DCDC2: variants seen among roughly 807,000 people sequenced by gnomAD.
DCDC2 encodes doublecortin domain containing 2, also known as doublecortin domain-containing protein 2.
A neutral mutation model predicts 50.2 loss-of-function variants in DCDC2; 40 were observed. The ratio of observed to expected loss-of-function variants is 0.80; its 90% CI spans 0.62 to 1.04. The LOEUF is 1.04. DCDC2 is among the 50% of genes least tolerant of loss of function. The pLI is 0.00. For missense variants in DCDC2, 570 were observed against 581.9 expected (o/e 0.98, Z 0.21); for synonymous variants, 234 against 210.6 (o/e 1.11, Z -0.96).
At chr6:24,269,147 G>T (rs1018694985) in intron 7 of DCDC2, among the ~76,000 whole-genome samples, 3 of 152,116 alleles carry the variant, frequency 2.0e-5, no homozygotes, top group African/African-American at 7.2e-5. Context: ...GACTACAAAG[G>T]AGTCCCAGGG....
intron 7 of DCDC2, among the ~76,000 whole-genome samples, chr6:24,212,515 G>A (rs1245700471): frequency 6.6e-6 from 1 of 152,112 alleles, no homozygotes; most frequent in East Asian, 1.9e-4. Context: ...ACATCTTCCA[G>A]AGGAAAGTGA....
At chr6:24,240,321 T>C (rs911899139) in intron 7 of DCDC2, among the ~76,000 whole-genome samples, 3 of 152,110 alleles carry the variant, frequency 2.0e-5, no homozygotes, top group Admixed American at 6.6e-5. Context: ...GAGGCTGGAG[T>C]ATTAATTGAA....
chr6:24,284,734 G>A (rs905859283), intron 6 of DCDC2, among the ~76,000 whole-genome samples: 4 of 151,696 alleles, frequency 2.6e-5, no homozygotes, highest in Non-Finnish European at 4.4e-5. Context: ...ATTGAGCCCT[G>A]CCTGCCTCTC....
rs59837095 is a variant in DCDC2 at position 24,173,021 on chromosome 6, A to ATAATAATAATAATAC, written c.*1708_*1709insGTATTATTATTATTA. ...AATAATAATAATAATAATAATAATA[A>ATAATAATAATAATAC]AGATCAATTGGTCTATTTGCCTACC... On this transcript the variant is annotated 3_prime_UTR_variant, in exon 10 of 10. Transcript: ENST00000378454. 10 of 150,556 alleles carry ATAATAATAATAATAC rather than the reference A, an allele frequency of 6.6e-5. No individual in the cohort carries two copies. The highest frequency in any genetic ancestry group is 1.3e-4 in the Non-Finnish European group (9 of 67,678). The allele number at this position is 150,556 out of a possible 1,614,324, so 9.3% of individuals were successfully genotyped here.
chr6:24,362,623 C>G (rs545054885), upstream of DCDC2, among the ~76,000 whole-genome samples: 5 of 152,074 alleles, frequency 3.3e-5, no homozygotes, highest in African/African-American at 1.2e-4. Context: ...AGTTGCCTCA[C>G]ACGCCAGAAC....
chr6:24,359,092 T>A (rs1384799737), upstream of DCDC2, among the ~76,000 whole-genome samples: 3 of 66,084 alleles, frequency 4.5e-5, no homozygotes, highest in Non-Finnish European at 7.4e-5. Context: ...TTTTTATATA[T>A]TATATATTTT....
At chr6:24,250,881 G>C (rs2113798721) in intron 7 of DCDC2, among the ~76,000 whole-genome samples, 1 of 152,252 alleles carries the variant, frequency 6.6e-6, no homozygotes. Flanking sequence ...GATGAAAAAT[G>C]TAATTTATTT....
chr6:24,193,652 A>G (rs1301454568), intron 8 of DCDC2, among the ~76,000 whole-genome samples: 1 of 152,204 alleles, frequency 6.6e-6, no homozygotes, highest in Non-Finnish European at 1.5e-5. Context: ...TTCAACTAAG[A>G]ATAACATTTA....
chr6:24,352,843 T>G (rs951883818), intron 2 of DCDC2, among the ~76,000 whole-genome samples: 1 of 152,208 alleles, frequency 6.6e-6, no homozygotes, highest in Non-Finnish European at 1.5e-5. Flanking sequence ...AGTGGCTGTC[T>G]GGGCTGGTGA....
rs539911971 is a variant in DCDC2, at chr6:24,275,795, C to T, written c.922+2254G>A. Among the ~76,000 whole-genome samples, 5 of 151,888 alleles carry T rather than the reference C, an allele frequency of 3.3e-5. No homozygotes were observed. The East Asian group carries it at 9.6e-4, about 29-fold the overall frequency. ...AATAATAAACACTTTTTTTTATCTT[C>T]ATGCCCACCAACACAAATGTTGTTA... On this transcript the variant is annotated intron_variant, in intron 7 of 9. Coordinates refer to ENST00000378454, the MANE Select transcript of DCDC2 (RefSeq NM_016356.5).
At chr6:24,319,952 A>G (rs968974999) in intron 2 of DCDC2, among the ~76,000 whole-genome samples, 4 of 150,438 alleles carry the variant, frequency 2.7e-5, no homozygotes, top group African/African-American at 9.7e-5. Flanking sequence ...AGAAAGATAC[A>G]GTAACAAATG....
At chr6:24,287,031 T>C (rs1004068117) in intron 6 of DCDC2, among the ~76,000 whole-genome samples, 1 of 152,194 alleles carries the variant, frequency 6.6e-6, no homozygotes, top group Non-Finnish European at 1.5e-5. Flanking sequence ...TTCCTCCATG[T>C]AAAAGATCTG....
At chr6:24,188,255 T>C (rs1761245864) in intron 8 of DCDC2, among the ~76,000 whole-genome samples, 1 of 152,224 alleles carries the variant, frequency 6.6e-6, no homozygotes, top group African/African-American at 2.4e-5. Context: ...TAATGCAATA[T>C]GCTCATGAAT....
At chr6:24,345,309 T>C (rs1200238228) in intron 2 of DCDC2, among the ~76,000 whole-genome samples, 1 of 152,196 alleles carries the variant, frequency 6.6e-6, no homozygotes, top group African/African-American at 2.4e-5. Flanking sequence ...TATAGTATGT[T>C]TCATTAGAGA....
At chr6:24,358,502 T>C (rs1290009821), upstream of DCDC2, among the ~76,000 whole-genome samples, 1 of 116,688 alleles carries the variant, frequency 8.6e-6, no homozygotes, top group Non-Finnish European at 1.6e-5. Flanking sequence ...CCTGACCCGG[T>C]CTCTACAATT....
chr6:24,229,886 C>A (rs577368745), intron 7 of DCDC2, among the ~76,000 whole-genome samples: 1 of 151,876 alleles, frequency 6.6e-6, no homozygotes, highest in Non-Finnish European at 1.5e-5. Flanking sequence ...TCCCAAACTC[C>A]CACCACTGGC....
intron 7 of DCDC2, among the ~76,000 whole-genome samples, chr6:24,210,354 T>C (rs1237415839): frequency 6.6e-6 from 1 of 152,186 alleles, no homozygotes; most frequent in Non-Finnish European, 1.5e-5. Context: ...TCACCTTGGA[T>C]GTCCAATAGG....
At chr6:24,309,766 A>G (rs746498410) in intron 2 of DCDC2, among the ~76,000 whole-genome samples, 14 of 152,236 alleles carry the variant, frequency 9.2e-5, no homozygotes, top group Non-Finnish European at 1.5e-4. Context: ...TAAAGGACAG[A>G]GACAGGCAGA....
chr6:24,308,986 C>A (rs1414217289), intron 2 of DCDC2, among the ~76,000 whole-genome samples: 1 of 152,072 alleles, frequency 6.6e-6, no homozygotes, highest in East Asian at 1.9e-4. Context: ...AGATACAAAC[C>A]TGGATCTGCA....
Sources: gnomAD v4.1 joint callset for allele counts (sites outside exome capture counted in the v4.1 genomes callset) on GRCh38, gnomAD v4.1.1 for gene constraint, MANE v1.5 for transcripts, NCBI Gene and HGNC (gene_info 2026-07-23, HGNC 2026-07-21) for gene names.